Variants in HDLBP observed in about 807,000 individuals in gnomAD.
HDLBP encodes high density lipoprotein binding protein, also known as vigilin.
In HDLBP, 30 loss-of-function variants were observed where a neutral mutation model predicts 137.3. That is an observed-to-expected ratio of 0.22 (90% CI 0.16 to 0.30). The LOEUF (loss-of-function observed/expected upper bound fraction) is 0.30. Among genes scored for constraint, HDLBP ranks in the 10% least tolerant of loss-of-function variants. HDLBP has a pLI of 1.00. For synonymous variants in HDLBP, 606 were observed against 596.0 expected, an observed-to-expected ratio of 1.02 and a Z score of -0.24; for missense variants, 1,119 against 1,667.3, an observed-to-expected ratio of 0.67 and a Z score of 5.73.
At chr2:241,313,715 C>T (rs1005379570) in intron 1 of HDLBP, among the ~76,000 whole-genome samples, 1 of 152,112 alleles carries the variant, frequency 6.6e-6, no homozygotes, top group Non-Finnish European at 1.5e-5. Flanking sequence ...AAGGCCAAAA[C>T]AACAAAACCT....
At chr2:241,237,338 A>G (rs2070666354) in intron 20 of HDLBP, among the ~76,000 whole-genome samples, 1 of 152,218 alleles carries the variant, frequency 6.6e-6, no homozygotes, top group South Asian at 2.1e-4. Context: ...AACAGGACAC[A>G]GAAGACAGCT....
At chr2:241,254,662 T>C (rs1304539191) in intron 9 of HDLBP, among the ~76,000 whole-genome samples, 1 of 152,102 alleles carries the variant, frequency 6.6e-6, no homozygotes, top group Non-Finnish European at 1.5e-5. Context: ...TTTTTTGTAT[T>C]TTTAGTAGAG....
intron 10 of HDLBP, 33 bp downstream of exon 10, chr2:241,253,360 C>A (rs756538803): frequency 7.0e-7 from 1 of 1,427,312 alleles, no homozygotes; most frequent in South Asian, 1.1e-5. Context: ...TCCCTTGTCA[C>A]CAGCACACAC....
chr2:241,275,465 G>T (rs1221077458), intron 1 of HDLBP, among the ~76,000 whole-genome samples: 1 of 150,436 alleles, frequency 6.6e-6, no homozygotes, highest in East Asian at 2.0e-4. Context: ...TCTATAACTG[G>T]AGTTCCAAAA....
chr2:241,245,615 A>G (rs950916852), intron 16 of HDLBP, among the ~76,000 whole-genome samples: 2 of 152,160 alleles, frequency 1.3e-5, no homozygotes, highest in African/African-American at 2.4e-5. Context: ...GGACAACATA[A>G]CAAGACCTCA....
Position 241,238,801 on chromosome 2 carries a change from C to T in HDLBP, c.2611-14G>A, listed in dbSNP as rs534164754. On this transcript the variant is annotated splice_polypyrimidine_tract_variant and intron_variant, in intron 19 of 27. Transcript: ENST00000310931. The surrounding 1 kb of genome is among the most constrained non-coding windows in gnomAD (Gnocchi z 4.9). Reference sequence around the variant, plus strand: ...CACCTGAGCTTCCTGGAGGGAGGTACACAAAGAAAAAAGAAAAGAGCAAAG... The same window carrying T: ...CACCTGAGCTTCCTGGAGGGAGGTATACAAAGAAAAAAGAAAAGAGCAAAG... The T allele has an allele frequency of 3.1e-5, 46 of 1,470,304 alleles. No individual in the cohort carries two copies. The South Asian group carries it at 6.4e-4, about 20-fold the overall frequency. 91.1% of individuals were successfully genotyped at this position (1,470,304 alleles called of 1,614,324 possible).
At chr2:241,263,107 A>T (rs569487102) in intron 4 of HDLBP, among the ~76,000 whole-genome samples, 181 bp from the exon 5 acceptor site, 81 of 152,370 alleles carry the variant, frequency 5.3e-4, no homozygotes, top group African/African-American at 1.9e-3. Context: ...CAAGGTCAAG[A>T]GGCTGACATC....
chr2:241,272,428 C>T lies in HDLBP; in HGVS notation c.-102-3887G>A. ...CACCAGGGGTGCCCCACCGAAGCCC[C>T]GGGAGGAGGCGGGGGAGCCCAGCTT... On this transcript the variant is annotated intron_variant, in intron 1 of 27. Transcript: ENST00000310931. This position sits in a 1 kb window ranked among gnomAD's most constrained non-coding sequence, Gnocchi z 5.6. The T allele has an allele frequency of 3.0e-6, 3 of 984,526 alleles. No individual in the cohort carries two copies. The highest frequency in any genetic ancestry group is 3.6e-6 in the Non-Finnish European group (3 of 829,630). 61.0% of individuals were successfully genotyped at this position (984,526 alleles called of 1,614,324 possible).
intron 1 of HDLBP, chr2:241,269,153 G>C (rs2073888531): frequency 6.6e-6 from 1 of 152,220 alleles, no homozygotes. Context: ...ACCTTCAAAG[G>C]CTGTCTGGGG....
intron 4 of HDLBP, 48 bp from the exon 5 acceptor site, chr2:241,262,974 G>A: frequency 7.0e-7 from 1 of 1,428,442 alleles, no homozygotes; most frequent in Non-Finnish European, 9.9e-7. Flanking sequence ...TTAAAAGAAG[G>A]CCAACAGATA....
intron 1 of HDLBP, among the ~76,000 whole-genome samples, chr2:241,299,894 G>A (rs962272421): frequency 2.8e-5 from 4 of 143,552 alleles, no homozygotes; most frequent in African/African-American, 7.8e-5. Flanking sequence ...CAGCCTGGGG[G>A]ACAGAGCGAG....
chr2:241,306,826 G>A (rs918494643), intron 1 of HDLBP, among the ~76,000 whole-genome samples: 1 of 151,082 alleles, frequency 6.6e-6, no homozygotes, highest in Non-Finnish European at 1.5e-5. Context: ...AAGTTGCAGT[G>A]AGCGGAGATC....
intron 1 of HDLBP, among the ~76,000 whole-genome samples, chr2:241,311,903 C>G (rs2075767807): frequency 6.6e-6 from 1 of 152,180 alleles, no homozygotes; most frequent in South Asian, 2.1e-4. Flanking sequence ...TAGGAACTTC[C>G]TACCTATTCT....
chr2:241,282,988 C>T (rs749529746), intron 1 of HDLBP, among the ~76,000 whole-genome samples: 5 of 152,148 alleles, frequency 3.3e-5, no homozygotes, highest in Middle Eastern at 3.2e-3. Flanking sequence ...AGCTAAGACA[C>T]GCCAAAAGCT....
rs573105480 is a variant in HDLBP at position 241,249,947 on chromosome 2, A to G, written c.1406T>C (p.Val469Ala). ...NRIKDQYKVS[V>A]RIPPDSEKSN... The stretch of plus-strand genomic sequence containing the variant: ...CTTCTCACTGTCAGGAGGGATGCGC[A>G]CGGACACCTTGTACTGGTCTTTGAT... The change falls in exon 12 of 28, where the codon GTG becomes GCG. Residue 469 changes from valine (V) to alanine (A), a missense_variant. Around this residue, in one of 4 missense-constraint regions of HDLBP, gnomAD observed 425 missense variants for 693.9 expected, o/e 0.61. Coordinates refer to ENST00000310931, the MANE Select transcript of HDLBP (RefSeq NM_005336.6). The G allele has an allele frequency of 6.2e-7, 1 of 1,613,348 alleles. No homozygotes were observed. The highest frequency in any genetic ancestry group is 1.7e-5 in the Admixed American group (1 of 59,770).
In HDLBP at chr2:241,239,877, C is replaced by A. The variant is rs373902843; in HGVS notation, c.2391+24G>T. 9 of 1,612,424 alleles carry A rather than the reference C, an allele frequency of 5.6e-6. No individual in the cohort carries two copies. The highest frequency in any genetic ancestry group is 7.6e-6 in the Non-Finnish European group (9 of 1,178,618). ...CACCCCATCACGGCCCCAGCAGAGT[C>A]GGCCGCCGAGGCCCGCTCCCTACCA... is the stretch of plus-strand genomic sequence containing the variant. On this transcript the variant is annotated intron_variant, in intron 18 of 27. Coordinates refer to ENST00000310931, the MANE Select transcript of HDLBP (RefSeq NM_005336.6). The surrounding 1 kb of genome is among the most constrained non-coding windows in gnomAD (Gnocchi z 4.6).
chr2:241,261,245 T>G (rs2073149349), intron 5 of HDLBP, among the ~76,000 whole-genome samples: 1 of 146,692 alleles, frequency 6.8e-6, no homozygotes, highest in Non-Finnish European at 1.5e-5. Flanking sequence ...TGTTAAAGAA[T>G]GAGAGACAGG....
intron 21 of HDLBP, 181 bp from the exon 22 acceptor site, chr2:241,235,775 T>C (rs1017550537): frequency 5.2e-6 from 3 of 575,996 alleles, no homozygotes; most frequent in Non-Finnish European, 9.3e-6. Context: ...AGATTTGCAT[T>C]AGGCTAATGC....
intron 23 of HDLBP, 87 bp from the exon 24 acceptor site, chr2:241,234,050 C>CTGGAGATGCTGCAG: frequency 6.9e-7 from 1 of 1,457,762 alleles, no homozygotes; most frequent in Non-Finnish European, 9.5e-7. Flanking sequence ...TCATAGGACA[C>CTGGAGATGCTGCAG]TGGAGATGCT....
Sources: allele counts gnomAD v4.1 joint callset (sites outside exome capture counted in the v4.1 genomes callset), GRCh38; gene constraint gnomAD v4.1.1; regional missense constraint gnomAD v4.1.1; non-coding constraint Gnocchi (gnomAD v3.1); transcripts MANE v1.5; gene names NCBI Gene and HGNC (gene_info 2026-07-23, HGNC 2026-07-21).